The following DNAH10 variants were observed in gnomAD, a reference collection of about 807,000 sequenced individuals.
The protein encoded by DNAH10 is axonemal beta dynein heavy chain 10.
DNAH10 carries 348 observed loss-of-function variants against 506.6 expected under a neutral mutation model. That is an observed-to-expected ratio of 0.69 (90% CI 0.63 to 0.75). The LOEUF (loss-of-function observed/expected upper bound fraction) is 0.75. Ranked by LOEUF, DNAH10 falls within the 30% of genes least tolerant of loss-of-function variation. DNAH10 has a pLI of 0.00. For synonymous variants in DNAH10, 2,059 were observed against 2,198.6 expected (o/e 0.94, Z 1.78); for missense variants, 5,179 against 5,787.1 (o/e 0.89, Z 3.41).
intron 47 of DNAH10, 50 bp downstream of exon 47, chr12:123,875,541 G>C: frequency 6.2e-7 from 1 of 1,605,528 alleles, no homozygotes; most frequent in Non-Finnish European, 8.5e-7. Flanking sequence ...TGTGTTGGGG[G>C]GAAACATACA....
At chr12:123,803,898 A>ATT in intron 17 of DNAH10, 73 bp downstream of exon 17, 1 of 1,389,850 alleles carries the variant, frequency 7.2e-7, no homozygotes, top group Non-Finnish European at 9.8e-7. Context: ...ACATGTGTAT[A>ATT]TATGTACCTA....
chr12:123,902,463 G>T lies in DNAH10; in HGVS notation c.9641-476G>T, dbSNP rs1405754469. Among the ~76,000 whole-genome samples, 1 of 152,206 alleles carries T rather than the reference G, an allele frequency of 6.6e-6. No homozygotes were observed. Among genetic ancestry groups the T allele is most frequent in the African/African-American group, 2.4e-5 (1 of 41,442 alleles). ...AATGAAACTTCCGATTGCGATTGGT[G>T]TCATGAAGCAAGTCAGCAAGGAAGG... is the stretch of plus-strand genomic sequence containing the variant. On this transcript the variant is annotated intron_variant, in intron 56 of 78. Transcript: ENST00000673944. The surrounding 1 kb of genome is among the most constrained non-coding windows in gnomAD (Gnocchi z 4.5).
At position 123,870,459 on chromosome 12, in the gene DNAH10, C is replaced by T. The variant is rs746137612; in HGVS notation, c.7613C>T (p.Pro2538Leu). 5.6e-6 allele frequency: 9 copies of T among 1,613,530 alleles called. 1 individual carries two copies. In the South Asian group the frequency reaches 8.8e-5, roughly 16 times the overall value. Residue 2538 changes from proline (P) to leucine (L), a missense_variant, in exon 44 of 79, where the codon CCC (proline) becomes CTC (leucine). By Grantham distance (98) the Pro-to-Leu change is moderately conservative. This residue lies in a region of DNAH10 where 4,844 missense variants were observed against 5,430.5 expected (regional missense o/e 0.89). Transcript: ENST00000673944. ...SKLVPEYIHA[P>L]ERKFINILVH... ...TTAGTTCCAGAGTATATTCATGCCCCCGAGAGGAAATTCATCAACATCCTG... is the reference window on the plus strand; with the variant it reads ...TTAGTTCCAGAGTATATTCATGCCCTCGAGAGGAAATTCATCAACATCCTG...
chr12:123,907,480 C>T lies in DNAH10; in HGVS notation c.9816-1781C>T, dbSNP rs188234123. 1.1e-4 allele frequency among the ~76,000 whole-genome samples: 16 copies of T among 152,336 alleles called. No homozygotes were observed. Among genetic ancestry groups the T allele is most frequent in the African/African-American group, 3.8e-4 (16 of 41,564 alleles). On this transcript the variant is annotated intron_variant, in intron 57 of 78. Transcript: ENST00000673944. The surrounding 1 kb of genome is among the most constrained non-coding windows in gnomAD (Gnocchi z 4.4). ...TCCACATTTCACACACCTTGGTCAT[C>T]CGGCATTGTGGAAAGTGGTATGTTC...
chr12:123,762,620 C>A lies in DNAH10; in HGVS notation c.214+70C>A. On this transcript the variant is annotated intron_variant, in intron 1 of 78. Transcript: ENST00000673944. This position sits in a 1 kb window ranked among gnomAD's most constrained non-coding sequence, Gnocchi z 5.0. ...CCGTCCCGGCCTCTCCGGCGGGCGC[C>A]GGGGCTGCTAGAGCCTGCCCATCGT... is the stretch of plus-strand genomic sequence containing the variant. 6.8e-7 allele frequency: 1 copy of A among 1,462,488 alleles called. No homozygotes were observed. 90.6% of individuals were successfully genotyped at this position (1,462,488 alleles called of 1,614,324 possible). A position where few individuals can be genotyped will look rare whatever the true frequency, so the allele number is the denominator to read the frequency against.
rs1481990515 is a variant in DNAH10, at chr12:123,851,080, G to A, written c.6291+4G>A. On this transcript the variant is annotated splice_donor_region_variant and intron_variant, in intron 35 of 78. Coordinates refer to ENST00000673944, the MANE Select transcript of DNAH10 (RefSeq NM_001372106.1). ...TGAGGGCTTCCTGGAGGCCAAGGTG[G>A]GGGGCCTTGGCAGCGCCAGGTCGTG... 3 of 1,594,226 alleles carry A rather than the reference G, an allele frequency of 1.9e-6. No individual in the cohort carries two copies. Among genetic ancestry groups the A allele is most frequent in the Non-Finnish European group, 2.6e-6 (3 of 1,167,694 alleles).
intron 54 of DNAH10, among the ~76,000 whole-genome samples, chr12:123,895,447 A>C (rs1019872254): frequency 6.6e-6 from 1 of 152,196 alleles, no homozygotes; most frequent in East Asian, 1.9e-4. Context: ...ATCATAATGC[A>C]GTTTTGGGGG....
rs1331750007 is a variant in DNAH10, at chr12:123,781,190, G to T, written c.732G>T (p.Met244Ile). Residue 244 changes from methionine to isoleucine, a missense_variant, in exon 6 of 79, where the codon ATG becomes ATT. Around this residue, in one of 3 missense-constraint regions of DNAH10, gnomAD observed 326 missense variants for 330.8 expected, o/e 0.99. Coordinates refer to ENST00000673944, the MANE Select transcript of DNAH10 (RefSeq NM_001372106.1). ...AGCATGAATCAGACCTGCCGCCCAT[G>T]CCTGGGGAGGCAGTAGAATATCACA... ...SSEHESDLPPMPGEAVEYHSI... is the reference protein window; with the variant it reads ...SSEHESDLPPIPGEAVEYHSI... 2 of 1,614,024 alleles carry T rather than the reference G, an allele frequency of 1.2e-6. No individual in the cohort carries two copies. Among genetic ancestry groups the T allele is most frequent in the East Asian group, 4.5e-5 (2 of 44,894 alleles).
intron 36 of DNAH10, among the ~76,000 whole-genome samples, chr12:123,856,101 A>G (rs778227802): frequency 1.4e-5 from 2 of 147,544 alleles, no homozygotes; most frequent in East Asian, 1.9e-4. Context: ...TTTATACTAT[A>G]TAATATACAT....
Position 123,916,674 on chromosome 12 carries a change from AGCTG to A in DNAH10, c.10943_10946del (p.Leu3648ProfsTer15). ...AATTTCAGACTGTACCTGAACACCA[AGCTG>A]GCCAATCCCAGATATTCCCCATCCG... On this transcript the variant is annotated frameshift_variant, in exon 63 of 79. Transcript: ENST00000673944. LOFTEE classifies it high-confidence loss of function. The surrounding 1 kb of genome is among the most constrained non-coding windows in gnomAD (Gnocchi z 4.6). 6.2e-7 allele frequency: 1 copy of A among 1,613,926 alleles called. No homozygotes were observed. The highest frequency in any genetic ancestry group is 8.5e-7 in the Non-Finnish European group (1 of 1,179,870).
intron 60 of DNAH10, among the ~76,000 whole-genome samples, chr12:123,914,082 T>C (rs1954352429): frequency 6.6e-6 from 1 of 152,218 alleles, no homozygotes; most frequent in Non-Finnish European, 1.5e-5. Flanking sequence ...TGATTACTGC[T>C]TAATAAAGAC....
chr12:123,824,890 CT>C (rs1959803923), intron 24 of DNAH10, among the ~76,000 whole-genome samples: 1 of 152,114 alleles, frequency 6.6e-6, no homozygotes, highest in South Asian at 2.1e-4. Context: ...CCAAGTGAGG[CT>C]TCATTCTGAG....
intron 40 of DNAH10, 138 bp from the exon 41 acceptor site, chr12:123,865,813 G>C (rs7313897): frequency 0.54 from 428,548 of 795,154 alleles, 117,440 homozygotes; most frequent in African/African-American, 0.67. Flanking sequence ...CAGTTAAAAA[G>C]CTCATGGAAG....
At position 123,826,917 on chromosome 12, in the gene DNAH10, C is replaced by A; in HGVS notation, c.4391+19C>A. ...GAGACAGGTTTGTTTTGTCCTCTGT[C>A]CGCAGATGTAAAAGTGTGGGAGGAG... On this transcript the variant is annotated intron_variant, in intron 25 of 78. Coordinates refer to ENST00000673944, the MANE Select transcript of DNAH10 (RefSeq NM_001372106.1). The A allele has an allele frequency of 1.3e-6, 2 of 1,594,492 alleles. No homozygotes were observed. Among genetic ancestry groups the A allele is most frequent in the South Asian group, 1.1e-5 (1 of 89,350 alleles).
rs746536692 is a variant in DNAH10 at position 123,914,356 on chromosome 12, G to A, written c.10380G>A (p.Met3460Ile). ...IRWLNDLDEL[M>I]HRRVKLLGDC... is the part of the protein sequence containing the mutation. ...GGCTGAACGACCTGGATGAGCTGAT[G>A]CACCGGCGCGTGAAGCTGCTGGGGG... Residue 3460 changes from methionine (M) to isoleucine (I), a missense_variant, in exon 61 of 79, where the codon ATG becomes ATA. Physicochemically the swap from Met to Ile is conservative, Grantham distance 10. Around this residue, in one of 3 missense-constraint regions of DNAH10, gnomAD observed 4,844 missense variants for 5,430.5 expected, o/e 0.89. Transcript: ENST00000673944. 3 of 1,613,080 alleles carry A rather than the reference G, an allele frequency of 1.9e-6. No homozygotes were observed. The highest frequency in any genetic ancestry group is 2.5e-6 in the Non-Finnish European group (3 of 1,179,876).
rs150086452 is a variant in DNAH10 at position 123,903,661 on chromosome 12, C to T, written c.9815+548C>T. Among the ~76,000 whole-genome samples, 11 of 152,308 alleles carry T rather than the reference C, an allele frequency of 7.2e-5. No homozygotes were observed. The highest frequency in any genetic ancestry group is 1.0e-4 in the Non-Finnish European group (7 of 68,026). On this transcript the variant is annotated intron_variant, in intron 57 of 78. Transcript: ENST00000673944. This position sits in a 1 kb window ranked among gnomAD's most constrained non-coding sequence, Gnocchi z 4.6. ...CACCAGAGGGCTCATCTGCTGTCAGCGAGGGTAACGTGGTGTGGCGTGGGC... is the reference window on the plus strand; with the variant it reads ...CACCAGAGGGCTCATCTGCTGTCAGTGAGGGTAACGTGGTGTGGCGTGGGC...
chr12:123,777,758 A>C (rs1037950169), intron 5 of DNAH10, among the ~76,000 whole-genome samples: 4 of 152,084 alleles, frequency 2.6e-5, no homozygotes, highest in Admixed American at 2.0e-4. Flanking sequence ...CGATCCTCCC[A>C]CCTCAGCCTC....
chr12:123,852,704 G>A (rs926403022), intron 35 of DNAH10, among the ~76,000 whole-genome samples: 1 of 151,992 alleles, frequency 6.6e-6, no homozygotes, highest in Non-Finnish European at 1.5e-5. Flanking sequence ...CTCCCAAGTA[G>A]CTGGGATTAT....
chr12:123,836,953 G>A (rs1232733325), intron 28 of DNAH10, among the ~76,000 whole-genome samples: 9 of 120,134 alleles, frequency 7.5e-5, no homozygotes, highest in South Asian at 2.4e-4. Flanking sequence ...CCTGGGTTCC[G>A]GCTGTTCTCC....
Sources: allele counts gnomAD v4.1 joint callset (sites outside exome capture counted in the v4.1 genomes callset), GRCh38; gene constraint gnomAD v4.1.1; regional missense constraint gnomAD v4.1.1; non-coding constraint Gnocchi (gnomAD v3.1); transcripts MANE v1.5; gene names NCBI Gene and HGNC (gene_info 2026-07-23, HGNC 2026-07-21).